The following F11R variants were observed in gnomAD, a reference collection of about 807,000 sequenced individuals.
The protein encoded by F11R is junctional adhesion molecule A.
Under a neutral mutation model 39.3 loss-of-function variants are expected in F11R, and 27 were observed. That is an observed-to-expected ratio of 0.69 (90% confidence interval 0.51 to 0.95). The LOEUF is 0.95. Among genes scored for constraint, F11R ranks in the 40% least tolerant of loss-of-function variants. The pLI, the probability that F11R is intolerant of heterozygous loss-of-function variation, is 0.00. For synonymous variants in F11R, 131 were observed against 144.9 expected, an observed-to-expected ratio of 0.90 and a Z score of 0.69; for missense variants, 335 against 372.7, an observed-to-expected ratio of 0.90 and a Z score of 0.83.
intron 1 of F11R, among the ~76,000 whole-genome samples, chr1:161,016,099 A>G (rs1397688881): frequency 1.3e-5 from 2 of 152,256 alleles, no homozygotes; most frequent in East Asian, 3.9e-4. Flanking sequence ...GCACTTTGGA[A>G]AGCCTAGGCA....
At chr1:161,009,855 A>T (rs758120643) in intron 1 of F11R, among the ~76,000 whole-genome samples, 2 of 151,942 alleles carry the variant, frequency 1.3e-5, no homozygotes, top group Non-Finnish European at 2.9e-5. Context: ...AGGCTGGAGA[A>T]CCACTTGAGC....
At chr1:161,004,292 G>T (rs1237877008) in intron 1 of F11R, among the ~76,000 whole-genome samples, 1 of 152,088 alleles carries the variant, frequency 6.6e-6, no homozygotes, top group Non-Finnish European at 1.5e-5. Context: ...GGGCACGGTA[G>T]GTCACACCTA....
intron 1 of F11R, among the ~76,000 whole-genome samples, chr1:161,010,709 G>A (rs866791571): frequency 6.6e-6 from 1 of 152,024 alleles, no homozygotes; most frequent in African/African-American, 2.4e-5. Flanking sequence ...ATTTTGGCTG[G>A]GTGCAGTGGC....
At chr1:160,999,010 T>C (rs141740827) in intron 9 of F11R, 33 bp downstream of exon 9, 1 of 1,614,156 alleles carries the variant, frequency 6.2e-7, no homozygotes, top group African/African-American at 1.3e-5. Context: ...CAGCCCCAGG[T>C]GGCCCACCCC....
In F11R at chr1:160,999,088, A is replaced by G; in HGVS notation, c.819T>C (p.Thr273=). Residue 273 remains threonine, a synonymous_variant, in exon 9 of 10, where the codon ACT becomes ACC. Coordinates refer to ENST00000368026, the MANE Select transcript of F11R (RefSeq NM_016946.6). ...GGCTGTAAATCACCTTCTTACTCGA[A>G]GTCCTGTGAACAAGCCAGAAGACAG... ...RGHFDRTKKG[T]SSKKVIYSQP... The G allele has an allele frequency of 1.2e-6, 2 of 1,614,222 alleles. No individual in the cohort carries two copies. The highest frequency in any genetic ancestry group is 1.7e-6 in the Non-Finnish European group (2 of 1,180,038).
intron 1 of F11R, among the ~76,000 whole-genome samples, chr1:161,007,549 T>C (rs967758640): frequency 6.6e-6 from 1 of 152,074 alleles, no homozygotes; most frequent in African/African-American, 2.4e-5. Flanking sequence ...TCCTCAAATC[T>C]GAGTTTACGC....
Position 160,999,977 on chromosome 1 carries a change from A to C in F11R, c.593T>G (p.Val198Gly). 1.2e-6 allele frequency: 2 copies of C among 1,614,024 alleles called. No homozygotes were observed. Among genetic ancestry groups the C allele is most frequent in the Non-Finnish European group, 1.7e-6 (2 of 1,179,926 alleles). ...YVLNPTTGEL[V>G]FDPLSASDTG... Reference sequence around the variant, plus strand: ...ATCAGAGGCTGACAGGGGATCAAAGACCTGAGGAAGGAAAACAAATTGGCT... The same window carrying C: ...ATCAGAGGCTGACAGGGGATCAAAGCCCTGAGGAAGGAAAACAAATTGGCT... Residue 198 changes from valine to glycine, a missense_variant and splice_region_variant, in exon 6 of 10, where the codon GTC becomes GGC. Physicochemically the swap from Val to Gly is moderately radical, Grantham distance 109 (BLOSUM62 -3). Coordinates refer to ENST00000368026, the MANE Select transcript of F11R (RefSeq NM_016946.6).
At chr1:161,018,470 A>G (rs1249255155) in intron 1 of F11R, among the ~76,000 whole-genome samples, 1 of 152,212 alleles carries the variant, frequency 6.6e-6, no homozygotes, top group African/African-American at 2.4e-5. Context: ...CTACTCAGCT[A>G]GGGACAGCAT....
chr1:161,018,160 A>G (rs1462214742), intron 1 of F11R, among the ~76,000 whole-genome samples: 1 of 152,128 alleles, frequency 6.6e-6, no homozygotes, highest in East Asian at 1.9e-4. Context: ...CATCAGTTTT[A>G]CTTTTCCCAA....
intron 1 of F11R, among the ~76,000 whole-genome samples, chr1:161,009,843 G>T (rs750144377): frequency 1.3e-5 from 2 of 151,954 alleles, no homozygotes; most frequent in Admixed American, 6.6e-5. Context: ...CAGCTACTTG[G>T]GAGGCTGGAG....
At position 160,998,705 on chromosome 1, in the gene F11R, T is replaced by C. The variant is rs998114328; in HGVS notation, c.*166A>G. ...AAGGGAGGGAGGGCATGAAGGAGGA[T>C]GGGGCACATAGCTGACATTATTAAA... On this transcript the variant is annotated 3_prime_UTR_variant, in exon 10 of 10. Transcript: ENST00000368026. The C allele has an allele frequency of 1.5e-5, 10 of 654,440 alleles. No homozygotes were observed. The highest frequency in any genetic ancestry group is 2.7e-5 in the Non-Finnish European group (10 of 367,066). 40.5% of individuals were successfully genotyped at this position (654,440 alleles called of 1,614,324 possible).
intron 1 of F11R, among the ~76,000 whole-genome samples, chr1:161,020,117 C>A (rs1012069080): frequency 1.3e-5 from 2 of 152,184 alleles, no homozygotes. Context: ...GGTTGACTAA[C>A]GCACAAACCA....
At chr1:161,001,777 G>A (rs531366359) in intron 1 of F11R, among the ~76,000 whole-genome samples, 4 of 152,334 alleles carry the variant, frequency 2.6e-5, no homozygotes, top group Non-Finnish European at 5.9e-5. Flanking sequence ...GAAGGGAAGG[G>A]CAGAGCCATG....
chr1:161,000,323 G>A lies in F11R; in HGVS notation c.414C>T (p.Asn138=), dbSNP rs186788990. 1.2e-6 allele frequency: 2 copies of A among 1,614,058 alleles called. No individual in the cohort carries two copies. The highest frequency in any genetic ancestry group is 1.1e-5 in the South Asian group (1 of 91,080). Residue 138 remains asparagine (N), a synonymous_variant, in exon 5 of 10, where the codon AAC becomes AAT. Transcript: ENST00000368026. The part of the protein sequence containing the change: ...VLVPPSKPTV[N]IPSSATIGNR... ...TCCCAATGGTGGCAGAGGAGGGGAT[G>A]TTAACTGTAGGCTTGGATGGAGGCA...
Position 160,998,872 on chromosome 1 carries a change from C to G in F11R, c.899G>C (p.Ter300SerextTer151). 6.2e-7 allele frequency: 1 copy of G among 1,614,186 alleles called. No individual in the cohort carries two copies. The highest frequency in any genetic ancestry group is 8.5e-7 in the Non-Finnish European group (1 of 1,180,012). ...EFKQTSSFLV[*>S] The stretch of plus-strand genomic sequence containing the variant: ...TGATAGGCGGTGAGCCGACCAGGCT[C>G]ACACCAGGAATGACGAGGTCTGTTT... The change falls in exon 10 of 10, where the codon TGA becomes TCA. Residue 300 changes from the stop codon to serine (S), a stop_lost. Coordinates refer to ENST00000368026, the MANE Select transcript of F11R (RefSeq NM_016946.6).
chr1:161,006,015 G>A (rs1479697960), intron 1 of F11R, among the ~76,000 whole-genome samples: 2 of 152,016 alleles, frequency 1.3e-5, no homozygotes, highest in African/African-American at 4.8e-5. Context: ...GCGGGCAACG[G>A]TAATCCCAAC....
chr1:161,004,295 C>G (rs1648675016), intron 1 of F11R, among the ~76,000 whole-genome samples: 1 of 152,024 alleles, frequency 6.6e-6, no homozygotes, highest in South Asian at 2.1e-4. Context: ...CACGGTAGGT[C>G]ACACCTATAA....
At position 160,998,633 on chromosome 1, in the gene F11R, G is replaced by A; in HGVS notation, c.*238C>T. ...CCTTCCTGATCCCTCAAAGAAATGG[G>A]GAATAAACACTTTAAACAAGTTCCA... On this transcript the variant is annotated 3_prime_UTR_variant, in exon 10 of 10. Transcript: ENST00000368026. 1 of 594,690 alleles carries A rather than the reference G, an allele frequency of 1.7e-6. No homozygotes were observed. The highest frequency in any genetic ancestry group is 2.1e-5 in the South Asian group (1 of 47,442). The allele number at this position is 594,690 out of a possible 1,614,324, so 36.8% of individuals were successfully genotyped here. A position where few individuals can be genotyped will look rare whatever the true frequency, so the allele number is the denominator to read the frequency against.
At chr1:161,000,993 A>C (rs775851694) in intron 3 of F11R, 27 bp downstream of exon 3, 1 of 1,582,314 alleles carries the variant, frequency 6.3e-7, no homozygotes, top group South Asian at 1.1e-5. Flanking sequence ...CAACCTAGGC[A>C]ATCAGGAAGG....
Sources: allele counts gnomAD v4.1 joint callset (sites outside exome capture counted in the v4.1 genomes callset), GRCh38; gene constraint gnomAD v4.1.1; transcripts MANE v1.5; gene names NCBI Gene and HGNC (gene_info 2026-07-23, HGNC 2026-07-21).